SYN3: variants seen among roughly 807,000 people sequenced by gnomAD.
The protein encoded by SYN3 is synapsin III.
In SYN3, 35 loss-of-function variants were observed where a neutral mutation model predicts 65.8. The observed-to-expected ratio is 0.53, with a 90% CI of 0.41 to 0.70. SYN3 has a LOEUF of 0.70. Ranked by LOEUF, SYN3 falls within the 30% of genes least tolerant of loss-of-function variation. SYN3 has a pLI of 0.00. For missense variants in SYN3, 680 were observed against 749.0 expected (o/e 0.91, Z 1.08); for synonymous variants, 270 against 292.9 (o/e 0.92, Z 0.80).
In SYN3 at chr22:32,509,881, T is replaced by G. The variant is rs969873132; in HGVS notation, c.*3811A>C. 9.2e-5 allele frequency among the ~76,000 whole-genome samples: 14 copies of G among 152,080 alleles called. No homozygotes were observed. The highest frequency in any genetic ancestry group is 3.1e-4 in the African/African-American group (13 of 41,392). ...CTGCGCCTGGCCCCAGTGGGGAAAT[T>G]ATTTAAATGTGTTGGCTATAAACTA... On this transcript the variant is annotated 3_prime_UTR_variant, in exon 14 of 14. Coordinates refer to ENST00000358763, the MANE Select transcript of SYN3 (RefSeq NM_003490.4).
At chr22:32,764,584 G>T (rs916008567) in intron 6 of SYN3, among the ~76,000 whole-genome samples, 6 of 152,212 alleles carry the variant, frequency 3.9e-5, no homozygotes, top group Admixed American at 6.5e-5. Flanking sequence ...GCAGGTTCTG[G>T]TCTTGGCTGG....
At chr22:32,876,138 A>G (rs1398050838) in intron 4 of SYN3, among the ~76,000 whole-genome samples, 1 of 152,146 alleles carries the variant, frequency 6.6e-6, no homozygotes, top group African/African-American at 2.4e-5. Flanking sequence ...GAAGTCCAAT[A>G]TCGAGGCACC....
intron 6 of SYN3, among the ~76,000 whole-genome samples, chr22:32,746,152 C>T (rs753607674): frequency 6.6e-5 from 10 of 152,124 alleles, no homozygotes; most frequent in African/African-American, 9.7e-5. Context: ...GAGGACTGAG[C>T]GGGTTGCAGG....
rs145242809 is a variant in SYN3, at chr22:32,646,863, A to G, written c.712-50127T>C. Among the ~76,000 whole-genome samples, 3 of 152,324 alleles carry G rather than the reference A, an allele frequency of 2.0e-5. No homozygotes were observed. In the East Asian group the frequency reaches 5.8e-4, roughly 29 times the overall value. ...TTCTGTTTTGGATGAGATATTCCAG[A>G]TGGAGCAGCTGAAGTGAGTGGAGAC... On this transcript the variant is annotated intron_variant, in intron 6 of 13. Coordinates refer to ENST00000358763, the MANE Select transcript of SYN3 (RefSeq NM_003490.4).
intron 6 of SYN3, among the ~76,000 whole-genome samples, chr22:32,739,953 C>T (rs767064612): frequency 3.3e-5 from 5 of 152,294 alleles, no homozygotes; most frequent in South Asian, 2.1e-4. Flanking sequence ...TATGAAGTCT[C>T]GGGTTCAACT....
rs541162665 is a variant in SYN3 at position 33,010,173 on chromosome 22, G to A, written c.-162-3349C>T. Among the ~76,000 whole-genome samples the A allele has an allele frequency of 2.5e-3, 383 of 152,022 alleles. 5 individuals are homozygous for A. Among genetic ancestry groups the A allele is most frequent in the South Asian group, 1.2e-3 (6 of 4,802 alleles). On this transcript the variant is annotated intron_variant, in intron 1 of 13. Coordinates refer to ENST00000358763, the MANE Select transcript of SYN3 (RefSeq NM_003490.4). Reference sequence around the variant, plus strand: ...CTTGAACCTGGGAGGCGGAGGTTGCGGTGAGCCAGGATCGCATCATTGCAC... The same window carrying A: ...CTTGAACCTGGGAGGCGGAGGTTGCAGTGAGCCAGGATCGCATCATTGCAC...
At chr22:33,028,908 C>T (rs1018341085) in intron 1 of SYN3, among the ~76,000 whole-genome samples, 18 of 151,930 alleles carry the variant, frequency 1.2e-4, no homozygotes, top group African/African-American at 2.4e-4. Context: ...GGCGTGGTGG[C>T]GGGCGCCTGT....
chr22:32,802,067 G>T (rs748513644), intron 6 of SYN3: 2 of 1,577,992 alleles, frequency 1.3e-6, no homozygotes. Context: ...GGGGCGCCGA[G>T]GCGTGCACAT....
At chr22:32,699,407 T>A (rs2060781584) in intron 6 of SYN3, among the ~76,000 whole-genome samples, 1 of 152,202 alleles carries the variant, frequency 6.6e-6, no homozygotes, top group Non-Finnish European at 1.5e-5. Context: ...CCTGCTCTTT[T>A]AATCCCCTCT....
At chr22:32,726,463 A>G (rs2061195642) in intron 6 of SYN3, among the ~76,000 whole-genome samples, 1 of 152,120 alleles carries the variant, frequency 6.6e-6, no homozygotes, top group East Asian at 1.9e-4. Context: ...CTTTTGGGGT[A>G]CTCAGAGGGG....
At chr22:32,838,675 C>G (rs981477445) in intron 6 of SYN3, among the ~76,000 whole-genome samples, 3 of 152,068 alleles carry the variant, frequency 2.0e-5, no homozygotes, top group African/African-American at 7.2e-5. Context: ...CACATTTTTA[C>G]TTGTCCCTTC....
At chr22:32,762,208 A>T (rs1048291970) in intron 6 of SYN3, among the ~76,000 whole-genome samples, 8 of 151,568 alleles carry the variant, frequency 5.3e-5, no homozygotes, top group Admixed American at 5.3e-4. Context: ...CTCAGGGTTA[A>T]AGCAGTGGGC....
At chr22:32,730,035 A>G (rs937242611) in intron 6 of SYN3, among the ~76,000 whole-genome samples, 1 of 152,148 alleles carries the variant, frequency 6.6e-6, no homozygotes, top group Non-Finnish European at 1.5e-5. Flanking sequence ...AAAGGCTTAG[A>G]TTTTCATGAG....
intron 7 of SYN3, among the ~76,000 whole-genome samples, chr22:32,561,784 G>T (rs2058589819): frequency 6.6e-6 from 1 of 152,162 alleles, no homozygotes; most frequent in South Asian, 2.1e-4. Flanking sequence ...TGGAGAGTTT[G>T]CAGGCCAGGC....
At chr22:32,599,398 T>G (rs142896923) in intron 6 of SYN3, among the ~76,000 whole-genome samples, 1 of 151,806 alleles carries the variant, frequency 6.6e-6, no homozygotes, top group Non-Finnish European at 1.5e-5. Flanking sequence ...CTCGGCTCAG[T>G]GCAAGCTCCG....
chr22:32,973,633 T>C (rs956014015), intron 3 of SYN3, among the ~76,000 whole-genome samples: 1 of 152,132 alleles, frequency 6.6e-6, no homozygotes, highest in East Asian at 1.9e-4. Context: ...TCCTGTAGGA[T>C]TGCACCAATA....
chr22:33,045,380 C>T (rs2054042212), intron 1 of SYN3, among the ~76,000 whole-genome samples: 1 of 151,518 alleles, frequency 6.6e-6, no homozygotes, highest in Non-Finnish European at 1.5e-5. Flanking sequence ...TTCTCAACAT[C>T]TCCAGGTATG....
chr22:32,609,633 T>G (rs1021246984), intron 6 of SYN3, among the ~76,000 whole-genome samples: 2 of 133,590 alleles, frequency 1.5e-5, no homozygotes, highest in Non-Finnish European at 3.1e-5. Flanking sequence ...TGTGCCACCA[T>G]GCCCAGCTAA....
At chr22:32,517,126 T>C (rs1264153439) in intron 13 of SYN3, among the ~76,000 whole-genome samples, 1 of 152,214 alleles carries the variant, frequency 6.6e-6, no homozygotes, top group East Asian at 1.9e-4. Flanking sequence ...AGCCTGCCCT[T>C]TTGAGATGTG....
Sources: allele counts gnomAD v4.1 joint callset (sites outside exome capture counted in the v4.1 genomes callset), GRCh38; gene constraint gnomAD v4.1.1; transcripts MANE v1.5; gene names NCBI Gene and HGNC (gene_info 2026-07-23, HGNC 2026-07-21).